BPNT1: variants seen among roughly 807,000 people sequenced by gnomAD.
BPNT1 encodes the protein 3'(2'),5'-bisphosphate nucleotidase 1.
In BPNT1, 28 loss-of-function variants were observed where a neutral mutation model predicts 36.9. That is an observed-to-expected ratio of 0.76 (90% CI 0.56 to 1.04). The LOEUF is 1.04. Ranked by LOEUF, BPNT1 falls within the 50% of genes least tolerant of loss-of-function variation. BPNT1 has a pLI of 0.00. For synonymous variants in BPNT1, 119 were observed against 130.9 expected (o/e 0.91, Z 0.62); for missense variants, 313 against 372.9 (o/e 0.84, Z 1.32).
chr1:220,077,882 A>T (rs777846583), intron 2 of BPNT1, among the ~76,000 whole-genome samples: 1 of 152,184 alleles, frequency 6.6e-6, no homozygotes, highest in Non-Finnish European at 1.5e-5. Flanking sequence ...AGAAAGATTT[A>T]GGCGAAGTGT....
At chr1:220,078,558 A>T (rs1466014977) in intron 2 of BPNT1, among the ~76,000 whole-genome samples, 1 of 136,366 alleles carries the variant, frequency 7.3e-6, no homozygotes, top group Non-Finnish European at 1.6e-5. Flanking sequence ...ATTATATATA[A>T]ATATAATATA....
chr1:220,061,544 A>C lies in BPNT1; in HGVS notation c.672+1213T>G, dbSNP rs536847058. Among the ~76,000 whole-genome samples the C allele has an allele frequency of 1.6e-3, 247 of 151,784 alleles. 2 individuals are homozygous for C. The highest frequency in any genetic ancestry group is 5.3e-3 in the African/African-American group (221 of 41,472). Reference sequence around the variant, plus strand: ...GTAAGACTCCGTCTCAAAAAAAAAAAAAAAACAAAAAACTATTCAGAAGAT... The same window carrying C: ...GTAAGACTCCGTCTCAAAAAAAAAACAAAAACAAAAAACTATTCAGAAGAT... On this transcript the variant is annotated intron_variant, in intron 7 of 8. Coordinates refer to ENST00000322067, the MANE Select transcript of BPNT1 (RefSeq NM_006085.6).
chr1:220,080,719 T>A (rs1665028148), intron 1 of BPNT1, among the ~76,000 whole-genome samples: 1 of 152,208 alleles, frequency 6.6e-6, no homozygotes, highest in South Asian at 2.1e-4. Flanking sequence ...CAATTTAAGA[T>A]GAGATTTGGG....
At chr1:220,062,712 A>G in intron 7 of BPNT1, 45 bp downstream of exon 7, 6 of 1,591,128 alleles carry the variant, frequency 3.8e-6, no homozygotes, top group Non-Finnish European at 5.2e-6. Flanking sequence ...GAGTATTTCA[A>G]TGATTCACTT....
rs951899889 is a variant in BPNT1, at chr1:220,058,624, C to T, written c.*220G>A. ...TCAGCTCACTGCAACCTCTGCCTTC[C>T]GGGCTCAAGAGATTCTTCTGCTTCA... On this transcript the variant is annotated 3_prime_UTR_variant, in exon 9 of 9. Transcript: ENST00000322067. 2.9e-5 allele frequency: 23 copies of T among 785,954 alleles called. No individual in the cohort carries two copies. The highest frequency in any genetic ancestry group is 1.4e-4 in the African/African-American group (8 of 56,278). 48.7% of individuals were successfully genotyped at this position (785,954 alleles called of 1,614,324 possible).
In BPNT1 at chr1:220,058,676, C is replaced by T. The variant is rs563299997; in HGVS notation, c.*168G>A. On this transcript the variant is annotated 3_prime_UTR_variant, in exon 9 of 9. Transcript: ENST00000322067. ...CCTCTCAAGTAGCTGGGATGACAGG[C>T]GCATGACAGGATGCCCAGTTAATTT... 2,260 of 767,678 alleles carry T rather than the reference C, an allele frequency of 2.9e-3. 12 individuals are homozygous for T. Among genetic ancestry groups the T allele is most frequent in the Middle Eastern group, 9.4e-3 (22 of 2,334 alleles). The allele number at this position is 767,678 out of a possible 1,614,324, so 47.6% of individuals were successfully genotyped here.
chr1:220,068,827 A>G (rs897399294), intron 5 of BPNT1, among the ~76,000 whole-genome samples: 1 of 152,084 alleles, frequency 6.6e-6, no homozygotes, highest in African/African-American at 2.4e-5. Context: ...CAAAACCTAA[A>G]ACTCTGGCTC....
chr1:220,075,783 G>A (rs1467690202), intron 2 of BPNT1, among the ~76,000 whole-genome samples: 2 of 152,194 alleles, frequency 1.3e-5, no homozygotes, highest in Non-Finnish European at 1.5e-5. Flanking sequence ...AGGTATCAAC[G>A]GAAGGATATA....
intron 2 of BPNT1, among the ~76,000 whole-genome samples, chr1:220,075,867 T>C (rs1664498929): frequency 6.6e-6 from 1 of 152,146 alleles, no homozygotes; most frequent in Non-Finnish European, 1.5e-5. Flanking sequence ...GCATTACATC[T>C]CTGTTCCTTT....
intron 5 of BPNT1, among the ~76,000 whole-genome samples, chr1:220,068,930 C>T (rs181035150): frequency 1.3e-3 from 193 of 152,200 alleles, no homozygotes; most frequent in African/African-American, 4.4e-3. Flanking sequence ...AAATATTGTA[C>T]TGTGTTTCAA....
At chr1:220,078,393 A>C (rs1467688522) in intron 2 of BPNT1, among the ~76,000 whole-genome samples, 1 of 143,150 alleles carries the variant, frequency 7.0e-6, no homozygotes, top group African/African-American at 2.5e-5. Flanking sequence ...AATTATTATA[A>C]TTATATATAA....
chr1:220,072,850 ATCT>A lies in BPNT1; in HGVS notation c.330_332del (p.Glu110del), dbSNP rs749867028. ...AGTTGAGTATAAATATGGGTCATACATCTTCTTCTTTAATAGCACTGTACTGCG... is the reference window on the plus strand; with the variant it reads ...AGTTGAGTATAAATATGGGTCATACATCTTCTTTAATAGCACTGTACTGCG... On this transcript the variant is annotated inframe_deletion and splice_region_variant, in exon 4 of 9. Transcript: ENST00000322067. 6.8e-6 allele frequency: 11 copies of A among 1,611,724 alleles called. No homozygotes were observed. Among genetic ancestry groups the A allele is most frequent in the African/African-American group, 1.3e-5 (1 of 75,010 alleles).
At chr1:220,087,845 A>G (rs1655881910) in intron 1 of BPNT1, among the ~76,000 whole-genome samples, 1 of 152,116 alleles carries the variant, frequency 6.6e-6, no homozygotes, top group South Asian at 2.1e-4. Context: ...TAAAACAATG[A>G]GAAATGATTA....
At position 220,067,313 on chromosome 1, in the gene BPNT1, A is replaced by G; in HGVS notation, c.463T>C (p.Tyr155His). 1 of 1,596,410 alleles carries G rather than the reference A, an allele frequency of 6.3e-7. No homozygotes were observed. Among genetic ancestry groups the G allele is most frequent in the South Asian group, 1.1e-5 (1 of 90,262 alleles). Reference sequence around the variant, plus strand: ...ATTTATAGTAATACCTCATAGTTGTAATATGGCTGGTTAATAACTCCTGCT... The same window carrying G: ...ATTTATAGTAATACCTCATAGTTGTGATATGGCTGGTTAATAACTCCTGCT... ...AIAGVINQPY[Y>H]NYEAGPDAVL... Residue 155 changes from tyrosine (Y) to histidine (H), a missense_variant, in exon 6 of 9, where the codon TAC becomes CAC. By Grantham distance (83) the Tyr-to-His change is moderately conservative. Coordinates refer to ENST00000322067, the MANE Select transcript of BPNT1 (RefSeq NM_006085.6).
At chr1:220,064,134 A>G (rs938451481) in intron 6 of BPNT1, among the ~76,000 whole-genome samples, 1 of 152,204 alleles carries the variant, frequency 6.6e-6, no homozygotes, top group Non-Finnish European at 1.5e-5. Context: ...TAAAGATTAG[A>G]AAAATGAAAT....
intron 7 of BPNT1, among the ~76,000 whole-genome samples, chr1:220,060,938 G>A (rs1558075158): frequency 6.6e-6 from 1 of 152,190 alleles, no homozygotes; most frequent in Admixed American, 6.6e-5. Context: ...ATTGACAATT[G>A]ATTGGGTTTG....
chr1:220,058,043 G>T lies in BPNT1; in HGVS notation c.*801C>A. The T allele has an allele frequency of 1.7e-6, 1 of 572,106 alleles. No homozygotes were observed. The highest frequency in any genetic ancestry group is 2.8e-5 in the South Asian group (1 of 35,730). The allele number at this position is 572,106 out of a possible 1,614,324, so 35.4% of individuals were successfully genotyped here. ...ATACAAAAAATTAGCCAGGCGTGGT[G>T]GCGGTGCCTGCAGTCCCAGCTACTC... On this transcript the variant is annotated 3_prime_UTR_variant, in exon 9 of 9. Transcript: ENST00000322067.
chr1:220,080,265 C>T (rs1488188150), intron 1 of BPNT1, among the ~76,000 whole-genome samples: 26 of 152,110 alleles, frequency 1.7e-4, no homozygotes, highest in Admixed American at 1.7e-3. Context: ...GGTAACCTAA[C>T]GTCTATAACA....
At chr1:220,074,194 C>T (rs1161187599) in intron 2 of BPNT1, 123 bp from the exon 3 acceptor site, 5 of 785,810 alleles carry the variant, frequency 6.4e-6, no homozygotes, top group Non-Finnish European at 9.9e-6. Flanking sequence ...TAGAACTTAA[C>T]ACCAAATGAG....
Sources: gnomAD v4.1 joint callset for allele counts (sites outside exome capture counted in the v4.1 genomes callset) on GRCh38, gnomAD v4.1.1 for gene constraint, MANE v1.5 for transcripts, NCBI Gene and HGNC (gene_info 2026-07-23, HGNC 2026-07-21) for gene names.